The following SHC3 variants were observed in gnomAD, a reference collection of about 807,000 sequenced individuals.
The protein encoded by SHC3 is SHC adaptor protein 3.
Under a neutral mutation model 60.4 loss-of-function variants are expected in SHC3, and 15 were observed. That is an observed-to-expected ratio of 0.25 (90% CI 0.17 to 0.38). The LOEUF is 0.38. Among genes scored for constraint, SHC3 ranks in the 10% least tolerant of loss-of-function variants. The pLI, the probability that SHC3 is intolerant of heterozygous loss-of-function variation, is 1.00. For synonymous variants in SHC3, 294 were observed against 325.9 expected (o/e 0.90, Z 1.05); for missense variants, 677 against 786.1 (o/e 0.86, Z 1.66).
At chr9:89,037,244 C>T (rs1489873049) in intron 11 of SHC3, 2 of 448,074 alleles carry the variant, frequency 4.5e-6, no homozygotes, top group East Asian at 3.9e-5. Context: ...AGGCTTCATC[C>T]CTCCCTGTCA....
intron 11 of SHC3, among the ~76,000 whole-genome samples, chr9:89,034,486 A>G (rs1824539774): frequency 6.6e-6 from 1 of 152,214 alleles, no homozygotes; most frequent in Admixed American, 6.5e-5. Flanking sequence ...TAGTCAGAGC[A>G]ATGGGGTGAA....
chr9:89,167,998 C>T (rs186865988), intron 1 of SHC3, among the ~76,000 whole-genome samples: 14 of 152,320 alleles, frequency 9.2e-5, no homozygotes, highest in Admixed American at 6.5e-4. Context: ...GCCCCCACAC[C>T]CTGAGCCAGC....
intron 2 of SHC3, among the ~76,000 whole-genome samples, chr9:89,095,284 G>C (rs1825684994): frequency 6.6e-6 from 1 of 152,174 alleles, no homozygotes; most frequent in Admixed American, 6.5e-5. Context: ...TTAAAGGAAG[G>C]AAATTCTGAC....
At chr9:89,068,579 G>A (rs1180939319) in intron 5 of SHC3, among the ~76,000 whole-genome samples, 1 of 151,886 alleles carries the variant, frequency 6.6e-6, no homozygotes, top group South Asian at 2.1e-4. Flanking sequence ...CCTGTGTTAT[G>A]ACATTTTATA....
intron 1 of SHC3, among the ~76,000 whole-genome samples, chr9:89,174,820 G>C (rs1177774748): frequency 6.6e-6 from 1 of 152,210 alleles, no homozygotes; most frequent in Non-Finnish European, 1.5e-5. Context: ...ATGGCCCACT[G>C]GCTCTTTAAA....
At chr9:89,142,140 C>T (rs1381231488) in intron 1 of SHC3, among the ~76,000 whole-genome samples, 2 of 152,186 alleles carry the variant, frequency 1.3e-5, no homozygotes, top group Non-Finnish European at 2.9e-5. Flanking sequence ...GTGCCAAATC[C>T]ATTCTTAGCC....
chr9:89,069,809 C>T (rs539836090), intron 5 of SHC3, among the ~76,000 whole-genome samples: 3 of 152,344 alleles, frequency 2.0e-5, no homozygotes, highest in South Asian at 2.1e-4. Flanking sequence ...TGCTGAGATT[C>T]GTGGCCCAAT....
intron 2 of SHC3, among the ~76,000 whole-genome samples, chr9:89,080,136 C>T (rs996407261): frequency 2.0e-5 from 3 of 152,260 alleles, no homozygotes; most frequent in Middle Eastern, 3.4e-3. Context: ...AAGTGTAGTA[C>T]GTTTTGGTAA....
At position 89,074,907 on chromosome 9, in the gene SHC3, G is replaced by T. The variant is rs145834970; in HGVS notation, c.729+202C>A. 6.3e-3 allele frequency among the ~76,000 whole-genome samples: 953 copies of T among 151,288 alleles called. 9 individuals carry two copies. Among genetic ancestry groups the T allele is most frequent in the Non-Finnish European group, 9.2e-3 (621 of 67,842 alleles). ...ATGATTTTGTGCATTATACTCCAAA[G>T]AAATAAAAAGCAGAATTAAAGAGAG... On this transcript the variant is annotated intron_variant, in intron 4 of 11. Transcript: ENST00000375835.
intron 1 of SHC3, among the ~76,000 whole-genome samples, chr9:89,167,382 C>T (rs1016896321): frequency 2.0e-5 from 3 of 152,162 alleles, no homozygotes; most frequent in Admixed American, 6.5e-5. Flanking sequence ...TCCCAGAGAC[C>T]AGAGGAGACC....
chr9:89,021,345 C>T lies in SHC3; in HGVS notation c.1657-7770G>A, dbSNP rs181662941. The stretch of plus-strand genomic sequence containing the variant: ...ATTTGATGAGTCACTGCTCCAGAAA[C>T]CACAAAGAAGTCTTCACTCAGCTGC... On this transcript the variant is annotated intron_variant, in intron 11 of 11. Coordinates refer to ENST00000375835, the MANE Select transcript of SHC3 (RefSeq NM_016848.6). Among the ~76,000 whole-genome samples the T allele has an allele frequency of 3.3e-3, 506 of 152,266 alleles. 1 individual carries two copies. Among genetic ancestry groups the T allele is most frequent in the African/African-American group, 0.011 (476 of 41,548 alleles).
chr9:89,130,033 C>T (rs940049808), intron 1 of SHC3, among the ~76,000 whole-genome samples: 1 of 152,090 alleles, frequency 6.6e-6, no homozygotes, highest in Non-Finnish European at 1.5e-5. Context: ...CAGAGACACA[C>T]ACACACTCAA....
chr9:89,077,400 G>A lies in SHC3; in HGVS notation c.609+440C>T, dbSNP rs7859200. Among the ~76,000 whole-genome samples, 1,192 of 152,232 alleles carry A rather than the reference G, an allele frequency of 7.8e-3. 15 individuals are homozygous for A. Among genetic ancestry groups the A allele is most frequent in the African/African-American group, 0.027 (1,111 of 41,534 alleles). On this transcript the variant is annotated intron_variant, in intron 3 of 11. Transcript: ENST00000375835. ...GAAATTGAAATCGGCCACAGCAGAG[G>A]TATTGACATCACACAAATCAGAAAA...
chr9:89,037,191 C>T (rs1824596107), intron 11 of SHC3, among the ~76,000 whole-genome samples: 1 of 152,156 alleles, frequency 6.6e-6, no homozygotes, highest in Admixed American at 6.5e-5. Context: ...ACCCCCACCC[C>T]CGACACATGC....
At chr9:89,090,877 C>A (rs1825611240) in intron 2 of SHC3, among the ~76,000 whole-genome samples, 1 of 152,206 alleles carries the variant, frequency 6.6e-6, no homozygotes. Flanking sequence ...GAGGAAGAAT[C>A]TTTTCCCTCT....
At position 89,008,298 on chromosome 9, in the gene SHC3, C is replaced by T. The variant is rs1204129017; in HGVS notation, c.*5149G>A. 6.6e-6 allele frequency: 1 copy of T among 152,108 alleles called. No individual in the cohort carries two copies. The highest frequency in any genetic ancestry group is 1.5e-5 in the Non-Finnish European group (1 of 68,030). 9.4% of individuals were successfully genotyped at this position (152,108 alleles called of 1,614,324 possible). A position where few individuals can be genotyped will look rare whatever the true frequency, so the allele number is the denominator to read the frequency against. ...TCCACTTTTAAATTCACAGCACGGACCCTGGGATCTGTGACATGAAGTGGT... is the reference window on the plus strand; with the variant it reads ...TCCACTTTTAAATTCACAGCACGGATCCTGGGATCTGTGACATGAAGTGGT... On this transcript the variant is annotated 3_prime_UTR_variant, in exon 12 of 12. Transcript: ENST00000375835.
intron 1 of SHC3, among the ~76,000 whole-genome samples, chr9:89,167,135 G>A (rs1288828926): frequency 6.6e-6 from 1 of 151,954 alleles, no homozygotes; most frequent in Non-Finnish European, 1.5e-5. Flanking sequence ...GGGAGGGAGG[G>A]CAATGAGGGT....
chr9:89,104,755 T>C (rs113323963), intron 2 of SHC3, among the ~76,000 whole-genome samples: 1,650 of 152,278 alleles, frequency 0.011, 31 homozygotes, highest in African/African-American at 0.037. Flanking sequence ...TTATCTATCC[T>C]CTCACCCTCC....
intron 9 of SHC3, 144 bp downstream of exon 9, chr9:89,045,602 A>T (rs1162871460): frequency 1.4e-6 from 1 of 709,554 alleles, no homozygotes; most frequent in Non-Finnish European, 2.4e-6. Flanking sequence ...TCTATAGTCT[A>T]GTCAGGATTC....
Sources: allele counts gnomAD v4.1 joint callset (sites outside exome capture counted in the v4.1 genomes callset), GRCh38; gene constraint gnomAD v4.1.1; transcripts MANE v1.5; gene names NCBI Gene and HGNC (gene_info 2026-07-23, HGNC 2026-07-21).